The following DDX10 variants were observed in gnomAD, a reference collection of about 807,000 sequenced individuals.
The protein encoded by DDX10 is probable ATP-dependent RNA helicase DDX10.
In DDX10, 74 loss-of-function variants were observed where a neutral mutation model predicts 104.3. The ratio of observed to expected loss-of-function variants is 0.71; its 90% CI spans 0.59 to 0.86. The LOEUF (loss-of-function observed/expected upper bound fraction) is 0.86, where lower values mean the gene tolerates loss of function less well. Ranked by LOEUF, DDX10 falls within the 40% of genes least tolerant of loss-of-function variation. DDX10 has a pLI of 0.00. For synonymous variants in DDX10, 351 were observed against 353.4 expected, an observed-to-expected ratio of 0.99 and a Z score of 0.08; for missense variants, 952 against 1,040.0, an observed-to-expected ratio of 0.92 and a Z score of 1.16.
At chr11:108,907,743 C>T (rs1331943951) in intron 16 of DDX10, among the ~76,000 whole-genome samples, 2 of 152,186 alleles carry the variant, frequency 1.3e-5, no homozygotes, top group Non-Finnish European at 2.9e-5. Flanking sequence ...TTCAAGTACA[C>T]TTCAGCCAGT....
intron 13 of DDX10, among the ~76,000 whole-genome samples, chr11:108,777,236 GT>G (rs1168796096): frequency 6.6e-6 from 1 of 152,170 alleles, no homozygotes; most frequent in Non-Finnish European, 1.5e-5. Context: ...CTATGAGAAT[GT>G]TTGATATAAA....
At position 108,780,268 on chromosome 11, in the gene DDX10, G is replaced by C. The variant is rs547803984; in HGVS notation, c.1965+56806G>C. On this transcript the variant is annotated intron_variant, in intron 13 of 17. Transcript: ENST00000322536. The stretch of plus-strand genomic sequence containing the variant: ...TGAGTATGAATAGAGCACAGGACAG[G>C]GTGGCTGAAGTTAAAGAGGAAGGAA... Among the ~76,000 whole-genome samples the C allele has an allele frequency of 2.2e-4, 34 of 152,190 alleles. 1 individual carries two copies. The highest frequency in any genetic ancestry group is 1.7e-3 in the South Asian group (8 of 4,802).
intron 13 of DDX10, among the ~76,000 whole-genome samples, chr11:108,820,698 T>C (rs920340497): frequency 3.3e-5 from 5 of 152,164 alleles, no homozygotes; most frequent in Non-Finnish European, 5.9e-5. Flanking sequence ...CTGTCAGAAG[T>C]TGAGCATGGT....
At chr11:108,777,838 C>G (rs1428551056) in intron 13 of DDX10, among the ~76,000 whole-genome samples, 6 of 152,162 alleles carry the variant, frequency 3.9e-5, no homozygotes, top group Admixed American at 3.9e-4. Context: ...TAAGCAACTT[C>G]AGGAAAGTGT....
At position 108,743,414 on chromosome 11, in the gene DDX10, G is replaced by GA. The variant is rs564494708; in HGVS notation, c.1965+19953dup. Among the ~76,000 whole-genome samples, 8 of 152,198 alleles carry GA rather than the reference G, an allele frequency of 5.3e-5. No homozygotes were observed. The South Asian group carries it at 1.5e-3, about 28-fold the overall frequency. ...AGCAAGCTATGAAAAACCCACTACT[G>GA]ACATCATACTGAATGGACAAAAGCT... On this transcript the variant is annotated intron_variant, in intron 13 of 17. Transcript: ENST00000322536.
chr11:108,689,081 G>T lies in DDX10; in HGVS notation c.975+19G>T. ...CAAAGAGGTATTGGCTGTTTATTTTGCTTTCTGAACGTATGTTGAATGTCC... is the reference window on the plus strand; with the variant it reads ...CAAAGAGGTATTGGCTGTTTATTTTTCTTTCTGAACGTATGTTGAATGTCC... On this transcript the variant is annotated intron_variant, in intron 7 of 17. Coordinates refer to ENST00000322536, the MANE Select transcript of DDX10 (RefSeq NM_004398.4). 1 of 1,612,482 alleles carries T rather than the reference G, an allele frequency of 6.2e-7. No individual in the cohort carries two copies. Among genetic ancestry groups the T allele is most frequent in the Non-Finnish European group, 8.5e-7 (1 of 1,179,160 alleles).
At chr11:108,916,364 C>T (rs1863750530) in intron 16 of DDX10, among the ~76,000 whole-genome samples, 1 of 152,150 alleles carries the variant, frequency 6.6e-6, no homozygotes, top group South Asian at 2.1e-4. Flanking sequence ...CTTAATGCTT[C>T]TAATCCCCCC....
At chr11:108,845,081 G>A (rs990285798) in intron 15 of DDX10, among the ~76,000 whole-genome samples, 1 of 151,990 alleles carries the variant, frequency 6.6e-6, no homozygotes, top group African/African-American at 2.4e-5. Flanking sequence ...GATGGCGGGC[G>A]CCTGTAGTCC....
intron 10 of DDX10, among the ~76,000 whole-genome samples, chr11:108,713,657 A>G (rs2094287501): frequency 6.6e-6 from 1 of 152,140 alleles, no homozygotes; most frequent in African/African-American, 2.4e-5. Flanking sequence ...TCTGGTTATG[A>G]TGCTTGCTCT....
intron 16 of DDX10, among the ~76,000 whole-genome samples, chr11:108,893,268 G>A (rs1426774481): frequency 6.6e-6 from 1 of 151,974 alleles, no homozygotes; most frequent in African/African-American, 2.4e-5. Flanking sequence ...ATTTTGGATG[G>A]TAAGGGATAT....
At chr11:108,859,198 G>A (rs1862908840) in intron 16 of DDX10, among the ~76,000 whole-genome samples, 1 of 152,170 alleles carries the variant, frequency 6.6e-6, no homozygotes, top group Non-Finnish European at 1.5e-5. Context: ...GTTCAGGGCA[G>A]CCATTAACTC....
chr11:108,742,280 A>C (rs188550913), intron 13 of DDX10, among the ~76,000 whole-genome samples: 148 of 136,928 alleles, frequency 1.1e-3, no homozygotes, highest in South Asian at 5.6e-3. Context: ...CAAAACAAAA[A>C]AAAAACCCTG....
intron 2 of DDX10, among the ~76,000 whole-genome samples, chr11:108,674,147 C>A (rs190300026): frequency 0.017 from 2,537 of 152,060 alleles, 72 homozygotes; most frequent in African/African-American, 0.058. Flanking sequence ...CATGGTGAAA[C>A]CCCGTCTCTA....
intron 13 of DDX10, among the ~76,000 whole-genome samples, chr11:108,806,107 G>A (rs1416894503): frequency 3.3e-5 from 5 of 151,956 alleles, no homozygotes; most frequent in African/African-American, 4.8e-5. Context: ...AATTACAGGC[G>A]TCCACCACCA....
chr11:108,725,468 T>G (rs200810955), intron 13 of DDX10, among the ~76,000 whole-genome samples: 1 of 152,134 alleles, frequency 6.6e-6, no homozygotes, highest in Non-Finnish European at 1.5e-5. Flanking sequence ...TCCCATCGTG[T>G]CAGCACATGG....
At chr11:108,705,520 G>A (rs2094274604) in intron 9 of DDX10, among the ~76,000 whole-genome samples, 1 of 152,040 alleles carries the variant, frequency 6.6e-6, no homozygotes, top group Non-Finnish European at 1.5e-5. Flanking sequence ...TTTTGTGACT[G>A]TTCTCTTGAC....
At chr11:108,673,705 G>A (rs1342609018) in intron 2 of DDX10, among the ~76,000 whole-genome samples, 178 bp downstream of exon 2, 1 of 152,062 alleles carries the variant, frequency 6.6e-6, no homozygotes, top group Non-Finnish European at 1.5e-5. Context: ...ATTCTTTCTG[G>A]ACTAATTAAA....
chr11:108,689,129 A>G lies in DDX10; in HGVS notation c.975+67A>G, dbSNP rs867559573. 8.5e-6 allele frequency: 13 copies of G among 1,521,528 alleles called. 1 individual carries two copies. The Middle Eastern group carries it at 1.4e-3, about 160-fold the overall frequency. 94.3% of individuals were successfully genotyped at this position (1,521,528 alleles called of 1,614,324 possible). A position where few individuals can be genotyped will look rare whatever the true frequency, so the allele number is the denominator to read the frequency against. ...TCCCTTTTGAAATGGCAAATCAATT[A>G]GACAAATTATTATATTGTACGAGAA... On this transcript the variant is annotated intron_variant, in intron 7 of 17. Transcript: ENST00000322536.
chr11:108,905,367 A>G lies in DDX10; in HGVS notation c.2305-12506A>G, dbSNP rs564224509. On this transcript the variant is annotated intron_variant, in intron 16 of 17. Transcript: ENST00000322536. ...AGTCCCACCACCTGAAGTTTCCTCT[A>G]TATATGTTTTTTATAGTACGTCTTT... 3.5e-5 allele frequency among the ~76,000 whole-genome samples: 3 copies of G among 86,814 alleles called. No individual in the cohort carries two copies. In the South Asian group the frequency reaches 1.6e-3, roughly 45 times the overall value. The allele number at this position is 86,814 out of a possible 152,430, so 57.0% of individuals were successfully genotyped here. A position where few individuals can be genotyped will look rare whatever the true frequency, so the allele number is the denominator to read the frequency against.
Sources: allele counts gnomAD v4.1 joint callset (sites outside exome capture counted in the v4.1 genomes callset), GRCh38; gene constraint gnomAD v4.1.1; transcripts MANE v1.5; gene names NCBI Gene and HGNC (gene_info 2026-07-23, HGNC 2026-07-21).